The following COL10A1 variants were observed in gnomAD, a reference collection of about 807,000 sequenced individuals.
The protein encoded by COL10A1 is collagen type X alpha 1 chain, also known as collagen alpha-1(X) chain.
A neutral mutation model predicts 18.2 loss-of-function variants in COL10A1; 10 were observed. That is an observed-to-expected ratio of 0.55 (90% CI 0.34 to 0.93). The LOEUF is 0.93. Among genes scored for constraint, COL10A1 ranks in the 40% least tolerant of loss-of-function variants. The pLI is 0.02. For missense variants in COL10A1, 897 were observed against 853.5 expected (o/e 1.05, Z -0.64); for synonymous variants, 330 against 316.6 (o/e 1.04, Z -0.45).
At chr6:116,171,294 A>G in the COL10A1 span, among the ~76,000 whole-genome samples, 1 of 152,346 alleles carries the variant, frequency 6.6e-6, no homozygotes, top group South Asian at 2.1e-4. Context: ...ATAAAATCAA[A>G]TAAATATGTG....
the COL10A1 span, among the ~76,000 whole-genome samples, chr6:116,196,039 T>G: frequency 6.6e-6 from 1 of 152,062 alleles, no homozygotes; most frequent in Non-Finnish European, 1.5e-5. Flanking sequence ...TTGGTTGGTG[T>G]TGTCGGGTTG....
chr6:116,206,564 T>C, the COL10A1 span, among the ~76,000 whole-genome samples: 1 of 151,958 alleles, frequency 6.6e-6, no homozygotes, highest in African/African-American at 2.4e-5. Context: ...GCTCTGAAGC[T>C]TTTCAGTAGA....
At position 116,155,662 on chromosome 6, in the gene COL10A1, A is replaced by G. The variant is rs1780171136; in HGVS notation, c.-16+2952T>C. ...CATTACAACATAGGTTGTAAAAGCA[A>G]AAGATTAGAAGCAAGGCTGGTATCC... On this transcript the variant is annotated intron_variant, in intron 1 of 1. Transcript: ENST00000418500. 2.0e-5 allele frequency among the ~76,000 whole-genome samples: 3 copies of G among 151,982 alleles called. No homozygotes were observed. The South Asian group carries it at 6.2e-4, about 32-fold the overall frequency.
the COL10A1 span, among the ~76,000 whole-genome samples, chr6:116,188,566 A>C: frequency 6.6e-6 from 1 of 152,038 alleles, no homozygotes; most frequent in Non-Finnish European, 1.5e-5. Flanking sequence ...TGCATTTATA[A>C]AATAGATATT....
At chr6:116,179,088 A>T in the COL10A1 span, among the ~76,000 whole-genome samples, 6 of 152,212 alleles carry the variant, frequency 3.9e-5, no homozygotes, top group South Asian at 2.1e-4. Context: ...CTTCTTATTT[A>T]TTTAACATAA....
chr6:116,207,114 T>G, the COL10A1 span, among the ~76,000 whole-genome samples: 2 of 151,988 alleles, frequency 1.3e-5, no homozygotes, highest in African/African-American at 4.8e-5. Flanking sequence ...ATTACAATAT[T>G]GTTTTATTCA....
chr6:116,158,776 G>A (rs1221938138), upstream of COL10A1: 1 of 152,202 alleles, frequency 6.6e-6, no homozygotes, highest in African/African-American at 2.4e-5. Context: ...CTTTTTGGGG[G>A]TTGCTTTTGA....
upstream of COL10A1, among the ~76,000 whole-genome samples, chr6:116,128,930 A>T (rs767371382): frequency 6.6e-6 from 1 of 152,156 alleles, no homozygotes; most frequent in Admixed American, 6.6e-5. Flanking sequence ...ACTTTTTTAC[A>T]GAAAACTTGT....
At chr6:116,149,933 T>C (rs1349870868) in intron 1 of COL10A1, among the ~76,000 whole-genome samples, 1 of 152,178 alleles carries the variant, frequency 6.6e-6, no homozygotes. Context: ...CACTCACAGG[T>C]AGGTAAGGTT....
In COL10A1 at chr6:116,121,389, T is replaced by A; in HGVS notation, c.727A>T (p.Met243Leu). The change falls in exon 3 of 3, where the codon ATG becomes TTG. Residue 243 changes from methionine to leucine, a missense_variant. Physicochemically the swap from Met to Leu is conservative, Grantham distance 15 (BLOSUM62 2). Coordinates refer to ENST00000651968, the MANE Select transcript of COL10A1 (RefSeq NM_000493.4). Reference protein sequence around the residue: ...IKGDRGFPGEMGPIGPPGPQG... With the variant: ...IKGDRGFPGELGPIGPPGPQG... ...GGACCTGGTGGGCCAATTGGTCCCATTTCTCCCGGAAAACCTCTATCACCT... is the reference window on the plus strand; with the variant it reads ...GGACCTGGTGGGCCAATTGGTCCCAATTCTCCCGGAAAACCTCTATCACCT... 1 of 1,613,800 alleles carries A rather than the reference T, an allele frequency of 6.2e-7. No individual in the cohort carries two copies. Among genetic ancestry groups the A allele is most frequent in the Non-Finnish European group, 8.5e-7 (1 of 1,179,910 alleles).
chr6:116,133,561 A>T (rs2114338195), intron 1 of COL10A1, among the ~76,000 whole-genome samples: 1 of 152,294 alleles, frequency 6.6e-6, no homozygotes, highest in South Asian at 2.1e-4. Context: ...AACACAGACC[A>T]CCAAGAAACC....
At chr6:116,205,427 A>G in the COL10A1 span, among the ~76,000 whole-genome samples, 1 of 151,680 alleles carries the variant, frequency 6.6e-6, no homozygotes, top group Non-Finnish European at 1.5e-5. Flanking sequence ...TAATTTTAAA[A>G]TAACATTTAA....
chr6:116,160,755 G>T (rs1236485509), upstream of COL10A1, among the ~76,000 whole-genome samples: 1 of 152,094 alleles, frequency 6.6e-6, no homozygotes. Context: ...TATAGTTTGA[G>T]GTCTTACATT....
intron 1 of COL10A1, among the ~76,000 whole-genome samples, chr6:116,154,923 T>C (rs1223865272): frequency 6.6e-6 from 1 of 152,190 alleles, no homozygotes; most frequent in Non-Finnish European, 1.5e-5. Context: ...AAAAACATCA[T>C]TTAGGAGTTT....
rs1335180384 is a variant in COL10A1, at chr6:116,120,286, A to C, written c.1830T>G (p.Val610=). 6.2e-7 allele frequency: 1 copy of C among 1,614,138 alleles called. No homozygotes were observed. Among genetic ancestry groups the C allele is most frequent in the African/African-American group, 1.3e-5 (1 of 74,946 alleles). Residue 610 remains valine, a synonymous_variant, in exon 3 of 3, where the codon GTT becomes GTG. Transcript: ENST00000651968. ...TGCCATTCTTATACAGGCCTACCCA[A>C]ACATGAGTCCCTTTCACATGCACGT... The part of the protein sequence containing the change: ...SYHVHVKGTH[V]WVGLYKNGTP...
chr6:116,176,290 G>T, the COL10A1 span, among the ~76,000 whole-genome samples: 1 of 152,126 alleles, frequency 6.6e-6, no homozygotes, highest in Non-Finnish European at 1.5e-5. Flanking sequence ...CACAGAGAGG[G>T]TATAGCACCA....
chr6:116,197,626 T>C, the COL10A1 span, among the ~76,000 whole-genome samples: 1 of 152,060 alleles, frequency 6.6e-6, no homozygotes, highest in Admixed American at 6.6e-5. Context: ...CTGTTAGAGA[T>C]TCAAATACCA....
chr6:116,191,232 T>A, the COL10A1 span, among the ~76,000 whole-genome samples: 1 of 152,072 alleles, frequency 6.6e-6, no homozygotes, highest in Non-Finnish European at 1.5e-5. Flanking sequence ...CTTTGTAGTT[T>A]AGCAAGAATT....
At chr6:116,202,025 G>T in the COL10A1 span, among the ~76,000 whole-genome samples, 3 of 151,956 alleles carry the variant, frequency 2.0e-5, no homozygotes, top group African/African-American at 7.2e-5. Context: ...TCTATATCCA[G>T]GCTGTCCAGT....
Sources: gnomAD v4.1 joint callset for allele counts (sites outside exome capture counted in the v4.1 genomes callset) on GRCh38, gnomAD v4.1.1 for gene constraint, MANE v1.5 for transcripts, NCBI Gene and HGNC (gene_info 2026-07-23, HGNC 2026-07-21) for gene names.